MACROD2: variants seen among roughly 807,000 people sequenced by gnomAD.
MACROD2 encodes the protein mono-ADP ribosylhydrolase 2, also known as ADP-ribose glycohydrolase MACROD2.
Under a neutral mutation model 70.4 loss-of-function variants are expected in MACROD2, and 36 were observed. The ratio of observed to expected loss-of-function variants is 0.51; its 90% CI spans 0.39 to 0.68. MACROD2 has a LOEUF of 0.68. Ranked by LOEUF, MACROD2 falls within the 30% of genes least tolerant of loss-of-function variation. The probability of loss-of-function intolerance (pLI) is 0.00; values close to 1 mark genes in which losing one functional copy is unlikely to be tolerated. For missense variants in MACROD2, 496 were observed against 538.4 expected (o/e 0.92, Z 0.78); for synonymous variants, 172 against 178.8 (o/e 0.96, Z 0.30).
At chr20:15,545,619 T>G (rs186016309) in intron 8 of MACROD2, among the ~76,000 whole-genome samples, 14 of 152,330 alleles carry the variant, frequency 9.2e-5, no homozygotes, top group African/African-American at 2.6e-4. Flanking sequence ...GAAATAAATC[T>G]TGTTTCATTG....
intron 4 of MACROD2, among the ~76,000 whole-genome samples, chr20:14,635,915 TATGAG>T (rs1341519013): frequency 2.6e-5 from 4 of 152,212 alleles, no homozygotes; most frequent in African/African-American, 9.6e-5. Flanking sequence ...TTCCCAATGA[TATGAG>T]ACAAATTTGA....
rs1260871826 is a variant in MACROD2 at position 15,153,586 on chromosome 20, T to C, written c.419-76354T>C. Among the ~76,000 whole-genome samples, 12 of 152,096 alleles carry C rather than the reference T, an allele frequency of 7.9e-5. No homozygotes were observed. In the East Asian group the frequency reaches 2.3e-3, roughly 29 times the overall value. ...CTCACAAGGAATTGTCATAGAACAA[T>C]AAGATGATTCCACATGACAACATGG... is the stretch of plus-strand genomic sequence containing the variant. On this transcript the variant is annotated intron_variant, in intron 5 of 17. Coordinates refer to ENST00000684519, the MANE Select transcript of MACROD2 (RefSeq NM_001351661.2).
intron 8 of MACROD2, among the ~76,000 whole-genome samples, chr20:15,686,348 C>T (rs148039247): frequency 2.6e-5 from 4 of 152,100 alleles, no homozygotes; most frequent in African/African-American, 9.7e-5. Flanking sequence ...CACAAAAACA[C>T]TTGGAGAGTT....
At chr20:15,719,637 C>T (rs890379722) in intron 8 of MACROD2, among the ~76,000 whole-genome samples, 3 of 151,788 alleles carry the variant, frequency 2.0e-5, no homozygotes, top group African/African-American at 7.3e-5. Flanking sequence ...TTTTTACTTT[C>T]TTTTATTTTT....
chr20:14,663,859 C>T (rs560992208), intron 4 of MACROD2, among the ~76,000 whole-genome samples: 3 of 151,952 alleles, frequency 2.0e-5, no homozygotes, highest in African/African-American at 7.2e-5. Context: ...TCTGAGAAGA[C>T]AATTAATTTT....
intron 7 of MACROD2, among the ~76,000 whole-genome samples, chr20:15,492,272 C>T (rs952559524): frequency 2.6e-5 from 4 of 151,366 alleles, no homozygotes; most frequent in African/African-American, 7.3e-5. Context: ...GGAAGGAGGC[C>T]TAGGGGGAAG....
chr20:14,921,012 A>G (rs1445463625), intron 5 of MACROD2, among the ~76,000 whole-genome samples: 1 of 152,196 alleles, frequency 6.6e-6, no homozygotes, highest in Non-Finnish European at 1.5e-5. Context: ...GACAATAAAC[A>G]TGAAATATGG....
intron 8 of MACROD2, among the ~76,000 whole-genome samples, chr20:15,662,849 G>A (rs1336920036): frequency 6.6e-6 from 1 of 151,938 alleles, no homozygotes; most frequent in Non-Finnish European, 1.5e-5. Context: ...GGGCCTTATG[G>A]GGAAGAAAAA....
At chr20:14,431,556 G>T (rs2083995081) in intron 3 of MACROD2, among the ~76,000 whole-genome samples, 2 of 152,114 alleles carry the variant, frequency 1.3e-5, no homozygotes, top group South Asian at 4.1e-4. Context: ...TGTCAAGAAA[G>T]AAATTCAGCT....
intron 5 of MACROD2, among the ~76,000 whole-genome samples, chr20:15,103,698 A>G (rs750107552): frequency 2.6e-5 from 4 of 152,178 alleles, no homozygotes; most frequent in Admixed American, 6.5e-5. Context: ...ATGATTTTAC[A>G]TAGAGATAAA....
chr20:15,729,199 A>G (rs2050907247), intron 8 of MACROD2, among the ~76,000 whole-genome samples: 2 of 152,080 alleles, frequency 1.3e-5, no homozygotes, highest in African/African-American at 4.8e-5. Flanking sequence ...TGTGATTTTG[A>G]GCAATTTTAT....
intron 7 of MACROD2, among the ~76,000 whole-genome samples, chr20:15,456,654 G>C (rs2046730717): frequency 3.3e-5 from 5 of 152,152 alleles, no homozygotes. Context: ...CGGGGAAGTT[G>C]TGACTTTGGC....
chr20:15,702,923 T>A (rs2050481183), intron 8 of MACROD2, among the ~76,000 whole-genome samples: 1 of 152,172 alleles, frequency 6.6e-6, no homozygotes, highest in Non-Finnish European at 1.5e-5. Flanking sequence ...AACATCATAG[T>A]ATTGGTACAA....
chr20:14,473,552 A>G (rs1469893526), intron 3 of MACROD2, among the ~76,000 whole-genome samples: 1 of 152,140 alleles, frequency 6.6e-6, no homozygotes, highest in Non-Finnish European at 1.5e-5. Context: ...TCATATGTTG[A>G]TAGACACTTA....
chr20:14,143,540 G>C (rs2054904363), intron 3 of MACROD2, among the ~76,000 whole-genome samples: 1 of 151,992 alleles, frequency 6.6e-6, no homozygotes, highest in Non-Finnish European at 1.5e-5. Context: ...ATTCCTGTTT[G>C]ATGACCACTT....
intron 6 of MACROD2, among the ~76,000 whole-genome samples, chr20:15,264,725 C>G (rs756300190): frequency 2.6e-5 from 4 of 151,072 alleles, no homozygotes; most frequent in African/African-American, 7.3e-5. Context: ...TTAGTCTCCT[C>G]TCCTGCCACA....
At chr20:14,975,602 T>C (rs1167467705) in intron 5 of MACROD2, among the ~76,000 whole-genome samples, 1 of 152,008 alleles carries the variant, frequency 6.6e-6, no homozygotes, top group Non-Finnish European at 1.5e-5. Context: ...GGTAGTGAAA[T>C]CCACCACCTG....
At chr20:14,440,649 G>A (rs1363957176) in intron 3 of MACROD2, among the ~76,000 whole-genome samples, 1 of 152,164 alleles carries the variant, frequency 6.6e-6, no homozygotes, top group Non-Finnish European at 1.5e-5. Context: ...AGATTAATGA[G>A]TATTTCACGC....
At chr20:14,747,749 G>C (rs1173300077) in intron 5 of MACROD2, among the ~76,000 whole-genome samples, 1 of 151,620 alleles carries the variant, frequency 6.6e-6, no homozygotes, top group African/African-American at 2.4e-5. Flanking sequence ...ACAAAAAAGG[G>C]ATCTCAATCT....
Sources: gnomAD v4.1 joint callset for allele counts (sites outside exome capture counted in the v4.1 genomes callset) on GRCh38, gnomAD v4.1.1 for gene constraint, MANE v1.5 for transcripts, NCBI Gene and HGNC (gene_info 2026-07-23, HGNC 2026-07-21) for gene names.